The following CLCN5 variants were observed in gnomAD, a reference collection of about 807,000 sequenced individuals.
CLCN5 encodes the protein H(+)/Cl(-) exchange transporter 5.
CLCN5 carries 17 observed loss-of-function variants against 54.0 expected under a neutral mutation model. The observed-to-expected ratio is 0.31, with a 90% confidence interval of 0.22 to 0.47. The LOEUF (loss-of-function observed/expected upper bound fraction) is 0.47, where lower values mean the gene tolerates loss of function less well. Among genes scored for constraint, CLCN5 ranks in the 20% least tolerant of loss-of-function variants. CLCN5 has a pLI of 1.00. For missense variants in CLCN5, 448 were observed against 646.7 expected, an observed-to-expected ratio of 0.69 and a Z score of 3.33; for synonymous variants, 222 against 233.0, an observed-to-expected ratio of 0.95 and a Z score of 0.43.
intron 3 of CLCN5, among the ~76,000 whole-genome samples, chrX:50,002,328 C>T (rs1402272177): frequency 1.8e-5 from 2 of 110,912 alleles, no homozygotes; most frequent in African/African-American, 6.6e-5. Context: ...TTTTCCTCCC[C>T]CTCTCAAAAA....
chrX:49,941,464 G>C (rs1557170905), intron 3 of CLCN5, among the ~76,000 whole-genome samples: 1 of 111,418 alleles, frequency 9.0e-6, no homozygotes, highest in Non-Finnish European at 1.9e-5. Flanking sequence ...GTCAAGTACA[G>C]GCTTTGATCA....
intron 4 of CLCN5, among the ~76,000 whole-genome samples, chrX:50,058,699 T>C (rs182591209): frequency 0.014 from 1,581 of 112,168 alleles, 20 homozygotes; most frequent in African/African-American, 0.049. Flanking sequence ...AATTAGCCTT[T>C]TGGGGGCTTT....
At chrX:50,012,554 G>T (rs1557182729) in intron 3 of CLCN5, among the ~76,000 whole-genome samples, 4 of 112,092 alleles carry the variant, frequency 3.6e-5, no homozygotes. Context: ...TTCGTAGTTG[G>T]GTACAAATGC....
intron 3 of CLCN5, among the ~76,000 whole-genome samples, chrX:49,925,673 C>T (rs919283922): frequency 1.3e-4 from 15 of 112,011 alleles, no homozygotes; most frequent in African/African-American, 4.9e-4. Context: ...GATTCCCCAC[C>T]ATAAGGTTGG....
chrX:50,030,341 CTTTT>C (rs1931636359), intron 3 of CLCN5, among the ~76,000 whole-genome samples: 1 of 111,035 alleles, frequency 9.0e-6, no homozygotes, highest in East Asian at 2.8e-4. Context: ...TATATGAATT[CTTTT>C]ATCATTATAT....
At chrX:50,087,362 T>C (rs950063943) in intron 11 of CLCN5, among the ~76,000 whole-genome samples, 22 of 111,271 alleles carry the variant, frequency 2.0e-4, no homozygotes, top group African/African-American at 7.2e-4. Context: ...TAGCTAAATA[T>C]AGTTTTTTAC....
Position 50,075,820 on chromosome X carries a change from C to A in CLCN5, c.441C>A (p.Ile147=). Residue 147 remains isoleucine (I), a synonymous_variant, in exon 7 of 15, where the codon ATC becomes ATA. Coordinates refer to ENST00000376091, the MANE Select transcript of CLCN5 (RefSeq NM_001127898.4). The stretch of plus-strand genomic sequence containing the variant: ...GTTCGTTAGCTGGTTTGATAGACAT[C>A]TCTGCTCATTGGATGACAGACTTAA... ...LSGSLAGLID[I]SAHWMTDLKE... is the part of the protein sequence containing the mutation. 1 of 1,211,615 alleles carries A rather than the reference C, an allele frequency of 8.3e-7. No individual in the cohort carries two copies. Among genetic ancestry groups the A allele is most frequent in the Non-Finnish European group, 1.1e-6 (1 of 895,310 alleles).
At chrX:50,087,021 C>T (rs1436936397) in intron 11 of CLCN5, 151 bp downstream of exon 11, 1 of 538,218 alleles carries the variant, frequency 1.9e-6, no homozygotes, top group African/African-American at 2.3e-5. Flanking sequence ...TTTTACCCCA[C>T]ACGTTCTCAT....
At chrX:50,057,931 T>G (rs1474696090) in intron 4 of CLCN5, among the ~76,000 whole-genome samples, 1 of 110,544 alleles carries the variant, frequency 9.0e-6, no homozygotes, top group Non-Finnish European at 1.9e-5. Flanking sequence ...GATGAACCAG[T>G]ACAAGAAGGG....
At chrX:50,031,523 T>A (rs1931697779) in intron 3 of CLCN5, among the ~76,000 whole-genome samples, 1 of 111,288 alleles carries the variant, frequency 9.0e-6, no homozygotes, top group Non-Finnish European at 1.9e-5. Context: ...ATTATTTGCC[T>A]TTTTTACTCA....
At chrX:49,951,415 C>G (rs1359925275) in intron 3 of CLCN5, among the ~76,000 whole-genome samples, 1 of 112,022 alleles carries the variant, frequency 8.9e-6, no homozygotes, top group Non-Finnish European at 1.9e-5. Context: ...AGCTTTTAAA[C>G]TTAGGTACAT....
chrX:50,017,683 A>G (rs12387959), intron 3 of CLCN5, among the ~76,000 whole-genome samples: 16,532 of 103,821 alleles, frequency 0.16, 1,231 homozygotes, highest in Admixed American at 0.29. Flanking sequence ...CTCTAGATTC[A>G]TTTTTTTTTT....
intron 3 of CLCN5, among the ~76,000 whole-genome samples, chrX:50,007,440 TCACACACACA>T (rs1198364892): frequency 1.4e-4 from 10 of 69,535 alleles, no homozygotes; most frequent in East Asian, 3.7e-4. Context: ...TCTCTCTCTG[TCACACACACA>T]CACACACACA....
At chrX:50,082,682 G>T (rs951090561) in intron 9 of CLCN5, among the ~76,000 whole-genome samples, 1 of 111,217 alleles carries the variant, frequency 9.0e-6, no homozygotes, top group East Asian at 2.8e-4. Context: ...GAGAAGTAAG[G>T]ATTTTAACTT....
At chrX:50,048,990 T>G (rs1269538621) in intron 4 of CLCN5, among the ~76,000 whole-genome samples, 6 of 111,009 alleles carry the variant, frequency 5.4e-5, no homozygotes, top group African/African-American at 2.0e-4. Context: ...ATCATACTCA[T>G]GTCTCTAATT....
intron 3 of CLCN5, among the ~76,000 whole-genome samples, chrX:49,936,109 A>C (rs782810550): frequency 1.6e-4 from 18 of 111,691 alleles, no homozygotes; most frequent in Non-Finnish European, 3.0e-4. Flanking sequence ...TGCTTTGCAA[A>C]ATAATTCACT....
At chrX:50,030,851 C>T (rs1557185783) in intron 3 of CLCN5, among the ~76,000 whole-genome samples, 1 of 111,757 alleles carries the variant, frequency 8.9e-6, no homozygotes, top group African/African-American at 3.2e-5. Context: ...GGAATAATTC[C>T]TTCTTATATA....
intron 3 of CLCN5, among the ~76,000 whole-genome samples, chrX:49,945,848 C>G (rs1926704257): frequency 9.2e-6 from 1 of 108,913 alleles, no homozygotes; most frequent in African/African-American, 3.4e-5. Flanking sequence ...CCTCCGCCTC[C>G]TGGGTTCAAG....
At chrX:50,040,367 A>G (rs1314188901) in intron 3 of CLCN5, among the ~76,000 whole-genome samples, 2 of 111,854 alleles carry the variant, frequency 1.8e-5, no homozygotes, top group East Asian at 2.8e-4. Flanking sequence ...TTTATGGTCA[A>G]TAATTTTGTA....
Sources: gnomAD v4.1 joint callset for allele counts (sites outside exome capture counted in the v4.1 genomes callset) on GRCh38, gnomAD v4.1.1 for gene constraint, MANE v1.5 for transcripts, NCBI Gene and HGNC (gene_info 2026-07-23, HGNC 2026-07-21) for gene names.